The following MUSK variants were observed in gnomAD, a reference collection of about 807,000 sequenced individuals.
The protein encoded by MUSK is muscle, skeletal receptor tyrosine-protein kinase.
Under a neutral mutation model 88.7 loss-of-function variants are expected in MUSK, and 55 were observed. The ratio of observed to expected loss-of-function variants is 0.62; its 90% CI spans 0.50 to 0.78. The LOEUF is 0.78. MUSK is among the 30% of genes least tolerant of loss of function. The pLI is 0.00. For missense variants in MUSK, 1,015 were observed against 1,074.3 expected (o/e 0.94, Z 0.77); for synonymous variants, 387 against 391.9 (o/e 0.99, Z 0.15).
At chr9:110,790,465 T>C (rs1331274997) in intron 14 of MUSK, among the ~76,000 whole-genome samples, 2 of 152,134 alleles carry the variant, frequency 1.3e-5, no homozygotes, top group African/African-American at 4.8e-5. Context: ...AAGAGAAAAA[T>C]TGATGACAGG....
intron 14 of MUSK, among the ~76,000 whole-genome samples, chr9:110,789,853 G>C (rs2077942196): frequency 6.6e-6 from 1 of 152,176 alleles, no homozygotes; most frequent in Non-Finnish European, 1.5e-5. Flanking sequence ...AAGGATGCAT[G>C]TGGATATGGA....
intron 14 of MUSK, among the ~76,000 whole-genome samples, chr9:110,790,316 G>A (rs1196182376): frequency 2.0e-5 from 3 of 152,132 alleles, no homozygotes; most frequent in South Asian, 4.1e-4. Flanking sequence ...AGAAAATCTG[G>A]AGAAAAAGTA....
intron 13 of MUSK, among the ~76,000 whole-genome samples, chr9:110,785,921 TAC>T (rs923367404): frequency 2.0e-5 from 3 of 148,930 alleles, no homozygotes; most frequent in African/African-American, 7.3e-5. Flanking sequence ...TATACATATA[TAC>T]ACACAGTGTA....
chr9:110,783,358 C>T (rs2077795171), intron 11 of MUSK, among the ~76,000 whole-genome samples: 1 of 151,896 alleles, frequency 6.6e-6, no homozygotes, highest in Admixed American at 6.6e-5. Flanking sequence ...TTATCTCTTT[C>T]AAGACTAAAA....
intron 5 of MUSK, among the ~76,000 whole-genome samples, chr9:110,702,187 A>AAACTATATTC: frequency 1.3e-5 from 2 of 152,070 alleles, no homozygotes; most frequent in African/African-American, 4.8e-5. Context: ...TATAACTGAT[A>AAACTATATTC]AGAATAAAAT....
At chr9:110,710,979 C>T (rs1185429742) in intron 5 of MUSK, among the ~76,000 whole-genome samples, 1 of 152,102 alleles carries the variant, frequency 6.6e-6, no homozygotes, top group Non-Finnish European at 1.5e-5. Flanking sequence ...AACCATCATT[C>T]TCAGCAAACT....
At chr9:110,671,598 C>A (rs1280536711) in intron 1 of MUSK, among the ~76,000 whole-genome samples, 1 of 152,076 alleles carries the variant, frequency 6.6e-6, no homozygotes, top group Admixed American at 6.5e-5. Flanking sequence ...GCTACTAATG[C>A]CCAATGATAA....
At position 110,802,377 on chromosome 9, in the gene MUSK, G is replaced by C. The variant is rs998774472; in HGVS notation, c.*1389G>C. Among the ~76,000 whole-genome samples, 3 of 152,176 alleles carry C rather than the reference G, an allele frequency of 2.0e-5. No homozygotes were observed. The South Asian group carries it at 6.2e-4, about 32-fold the overall frequency. On this transcript the variant is annotated 3_prime_UTR_variant, in exon 15 of 15. Coordinates refer to ENST00000374448, the MANE Select transcript of MUSK (RefSeq NM_005592.4). Reference sequence around the variant, plus strand: ...ACCCAAATTCTCCTGAAAACGAACAGGGAAGAGAAAATAACAGTCTACTCT... The same window carrying C: ...ACCCAAATTCTCCTGAAAACGAACACGGAAGAGAAAATAACAGTCTACTCT...
At chr9:110,778,568 A>G (rs945009709) in intron 11 of MUSK, among the ~76,000 whole-genome samples, 16 of 152,236 alleles carry the variant, frequency 1.1e-4, no homozygotes, top group Non-Finnish European at 1.8e-4. Flanking sequence ...TAATACTCCC[A>G]ATAGTTCTAC....
intron 1 of MUSK, among the ~76,000 whole-genome samples, chr9:110,682,330 G>A (rs2076144782): frequency 6.6e-6 from 1 of 152,016 alleles, no homozygotes; most frequent in South Asian, 2.1e-4. Context: ...TTATGCTGAT[G>A]ATATTGGGGT....
chr9:110,754,372 A>G (rs1423340494), intron 7 of MUSK, among the ~76,000 whole-genome samples: 1 of 152,234 alleles, frequency 6.6e-6, no homozygotes, highest in Non-Finnish European at 1.5e-5. Flanking sequence ...GAATTTTTAA[A>G]TACTACAAAT....
chr9:110,686,126 G>C (rs971572655), intron 2 of MUSK, among the ~76,000 whole-genome samples: 1 of 152,102 alleles, frequency 6.6e-6, no homozygotes, highest in Non-Finnish European at 1.5e-5. Context: ...GGAGGCTCTA[G>C]GGAAGAATCT....
At chr9:110,755,945 TATATAC>T (rs758706696) in intron 7 of MUSK, among the ~76,000 whole-genome samples, 2,203 of 71,816 alleles carry the variant, frequency 0.031, 62 homozygotes, top group Non-Finnish European at 0.039. Context: ...TATATATATA[TATATAC>T]ACATATATAT....
At chr9:110,779,665 G>C (rs1169575174) in intron 11 of MUSK, among the ~76,000 whole-genome samples, 2 of 152,116 alleles carry the variant, frequency 1.3e-5, no homozygotes, top group African/African-American at 4.8e-5. Context: ...TATGAGTATA[G>C]ATTAAACTCA....
At chr9:110,688,104 A>G (rs545267650) in intron 3 of MUSK, among the ~76,000 whole-genome samples, 3 of 152,036 alleles carry the variant, frequency 2.0e-5, no homozygotes, top group Admixed American at 1.3e-4. Context: ...TTGTATTCCT[A>G]TACAAAATCT....
chr9:110,748,138 C>A (rs1165615997), intron 7 of MUSK: 1 of 396,414 alleles, frequency 2.5e-6, no homozygotes, highest in African/African-American at 2.1e-5. Context: ...CCCTTTTTTC[C>A]TTCCTTCTTT....
chr9:110,745,987 G>T (rs1359780020), intron 6 of MUSK, among the ~76,000 whole-genome samples: 1 of 152,170 alleles, frequency 6.6e-6, no homozygotes, highest in Non-Finnish European at 1.5e-5. Flanking sequence ...CTTCTTCCTG[G>T]CTAGTCAAAC....
chr9:110,733,684 A>T (rs918870423), intron 5 of MUSK, among the ~76,000 whole-genome samples: 19 of 152,110 alleles, frequency 1.2e-4, no homozygotes, highest in African/African-American at 4.3e-4. Context: ...AATTCAATAA[A>T]ATACTATCCT....
chr9:110,766,434 A>G (rs1007424513), intron 8 of MUSK, among the ~76,000 whole-genome samples: 1 of 152,192 alleles, frequency 6.6e-6, no homozygotes, highest in African/African-American at 2.4e-5. Context: ...AATATTCCCA[A>G]CAAACAAAGG....
Sources: allele counts gnomAD v4.1 joint callset (sites outside exome capture counted in the v4.1 genomes callset), GRCh38; gene constraint gnomAD v4.1.1; transcripts MANE v1.5; gene names NCBI Gene and HGNC (gene_info 2026-07-23, HGNC 2026-07-21).